Variants in PHACTR1 observed in about 807,000 individuals in gnomAD.
The protein encoded by PHACTR1 is phosphatase and actin regulator 1.
Under a neutral mutation model 69.2 loss-of-function variants are expected in PHACTR1, and 16 were observed. That is an observed-to-expected ratio of 0.23 (90% confidence interval 0.16 to 0.35). PHACTR1 has a LOEUF of 0.35. PHACTR1 is among the 10% of genes least tolerant of loss of function. PHACTR1 has a pLI of 1.00. For synonymous variants in PHACTR1, 312 were observed against 284.5 expected, an observed-to-expected ratio of 1.10 and a Z score of -0.97; for missense variants, 510 against 734.7, an observed-to-expected ratio of 0.69 and a Z score of 3.54.
intron 4 of PHACTR1, among the ~76,000 whole-genome samples, chr6:12,940,858 T>C (rs1046836899): frequency 6.6e-6 from 1 of 152,224 alleles, no homozygotes; most frequent in Non-Finnish European, 1.5e-5. Flanking sequence ...TATCTGTTCA[T>C]GACGGATGCT....
At chr6:13,260,147 A>G (rs1031440711) in intron 10 of PHACTR1, among the ~76,000 whole-genome samples, 2 of 152,194 alleles carry the variant, frequency 1.3e-5, no homozygotes, top group Non-Finnish European at 2.9e-5. Flanking sequence ...GAACACAGAG[A>G]TAAATAAGAT....
At chr6:12,738,600 C>T (rs939944961) in intron 3 of PHACTR1, among the ~76,000 whole-genome samples, 1 of 152,118 alleles carries the variant, frequency 6.6e-6, no homozygotes, top group Non-Finnish European at 1.5e-5. Flanking sequence ...TGGTGGCTCA[C>T]TCCTGTAATC....
intron 4 of PHACTR1, among the ~76,000 whole-genome samples, chr6:12,874,580 A>C (rs74863365): frequency 0.018 from 2,790 of 152,284 alleles, 87 homozygotes; most frequent in African/African-American, 0.064. Flanking sequence ...GGTAGGCTAC[A>C]TAAGGCTCCC....
At chr6:13,011,683 C>T (rs1017926853) in intron 4 of PHACTR1, among the ~76,000 whole-genome samples, 2 of 152,182 alleles carry the variant, frequency 1.3e-5, no homozygotes, top group African/African-American at 2.4e-5. Flanking sequence ...ACTGTTCTAA[C>T]CTGTGGGGCA....
At chr6:12,813,099 C>A (rs1237050401) in intron 4 of PHACTR1, among the ~76,000 whole-genome samples, 1 of 152,010 alleles carries the variant, frequency 6.6e-6, no homozygotes, top group Non-Finnish European at 1.5e-5. Context: ...TTTTTTATAA[C>A]CTGGTGGATC....
chr6:12,850,684 G>A (rs922670916), intron 4 of PHACTR1, among the ~76,000 whole-genome samples: 3 of 152,166 alleles, frequency 2.0e-5, no homozygotes, highest in African/African-American at 7.2e-5. Flanking sequence ...ATGGCTCTAG[G>A]GGAGGAGCCT....
chr6:13,058,297 C>T (rs1807108272), intron 5 of PHACTR1, among the ~76,000 whole-genome samples: 1 of 152,154 alleles, frequency 6.6e-6, no homozygotes, highest in Admixed American at 6.5e-5. Context: ...GAAGACACCA[C>T]CGAGTTATGC....
intron 4 of PHACTR1, among the ~76,000 whole-genome samples, chr6:12,860,449 A>G (rs1398197286): frequency 1.3e-5 from 2 of 152,174 alleles, no homozygotes; most frequent in African/African-American, 4.8e-5. Context: ...TAGTGCTGCA[A>G]TAAACATACA....
intron 4 of PHACTR1, among the ~76,000 whole-genome samples, chr6:13,044,754 A>C (rs761295289): frequency 1.3e-5 from 2 of 152,110 alleles, no homozygotes; most frequent in African/African-American, 2.4e-5. Flanking sequence ...TCCCCTATAC[A>C]CGATGGTTAG....
chr6:13,256,359 G>C (rs1323462773), intron 10 of PHACTR1, among the ~76,000 whole-genome samples: 1 of 152,232 alleles, frequency 6.6e-6, no homozygotes, highest in Non-Finnish European at 1.5e-5. Context: ...TGGCTTCCAG[G>C]TCTTTTCCCC....
At chr6:13,262,669 A>G (rs941393552) in intron 10 of PHACTR1, among the ~76,000 whole-genome samples, 7 of 152,186 alleles carry the variant, frequency 4.6e-5, no homozygotes, top group Non-Finnish European at 8.8e-5. Flanking sequence ...AAGGATGTAG[A>G]GGGGATAGAA....
At chr6:13,036,979 G>A (rs1803412374) in intron 4 of PHACTR1, among the ~76,000 whole-genome samples, 1 of 152,174 alleles carries the variant, frequency 6.6e-6, no homozygotes, top group Admixed American at 6.5e-5. Context: ...CAAACATGGA[G>A]GGTAGGGTCA....
chr6:12,933,666 G>T, intron 4 of PHACTR1: 1 of 1,612,790 alleles, frequency 6.2e-7, no homozygotes, highest in Non-Finnish European at 8.5e-7. Context: ...GATGAAGCAA[G>T]AATGGGACCA....
intron 3 of PHACTR1, among the ~76,000 whole-genome samples, chr6:12,720,750 G>C (rs950769319): frequency 6.6e-6 from 1 of 152,218 alleles, no homozygotes; most frequent in African/African-American, 2.4e-5. Flanking sequence ...CTGGTGTAAG[G>C]CCTGTGAATT....
intron 4 of PHACTR1, among the ~76,000 whole-genome samples, chr6:13,011,712 G>T (rs35684248): frequency 4.6e-5 from 7 of 152,122 alleles, no homozygotes; most frequent in East Asian, 1.9e-4. Context: ...GGCGGAAAAG[G>T]CATGCAATTT....
intron 4 of PHACTR1, among the ~76,000 whole-genome samples, chr6:12,975,284 A>G (rs1794729670): frequency 6.6e-6 from 1 of 152,348 alleles, no homozygotes; most frequent in African/African-American, 2.4e-5. Flanking sequence ...CATGATGGAC[A>G]TGGACCAGAA....
chr6:12,970,100 T>C (rs1727932734), intron 4 of PHACTR1, among the ~76,000 whole-genome samples: 1 of 152,252 alleles, frequency 6.6e-6, no homozygotes, highest in Non-Finnish European at 1.5e-5. Flanking sequence ...TCCTGATGGA[T>C]CTTCTTGGAT....
chr6:13,110,543 G>A (rs759011580), intron 5 of PHACTR1, among the ~76,000 whole-genome samples: 6 of 152,236 alleles, frequency 3.9e-5, no homozygotes, highest in African/African-American at 7.2e-5. Flanking sequence ...GTTCTGCTCC[G>A]TGCCGCTTTC....
intron 4 of PHACTR1, among the ~76,000 whole-genome samples, chr6:13,003,960 TATATGTATATATATATATAC>T (rs1798431500): frequency 1.8e-5 from 2 of 109,530 alleles, no homozygotes; most frequent in African/African-American, 4.8e-5. Context: ...CCTATATATA[TATATGTATATATATATATAC>T]ACATATATAT....
Sources: allele counts gnomAD v4.1 joint callset (sites outside exome capture counted in the v4.1 genomes callset), GRCh38; gene constraint gnomAD v4.1.1; transcripts MANE v1.5; gene names NCBI Gene and HGNC (gene_info 2026-07-23, HGNC 2026-07-21).